SPHKAP: variants seen among roughly 807,000 people sequenced by gnomAD.
SPHKAP encodes A-kinase anchor protein SPHKAP.
In SPHKAP, 67 loss-of-function variants were observed where a neutral mutation model predicts 137.5. The ratio of observed to expected loss-of-function variants is 0.49; its 90% confidence interval spans 0.40 to 0.60. The LOEUF is 0.60. Among genes scored for constraint, SPHKAP ranks in the 20% least tolerant of loss-of-function variants. The pLI is 0.00. For missense variants in SPHKAP, 2,097 were observed against 2,069.3 expected, an observed-to-expected ratio of 1.01 and a Z score of -0.26; for synonymous variants, 813 against 785.3, an observed-to-expected ratio of 1.04 and a Z score of -0.59.
At chr2:228,045,327 A>G (rs1389376796) in intron 3 of SPHKAP, among the ~76,000 whole-genome samples, 1 of 142,776 alleles carries the variant, frequency 7.0e-6, no homozygotes, top group African/African-American at 2.7e-5. Flanking sequence ...TATTCACTAT[A>G]GCAAAGACTT....
intron 3 of SPHKAP, among the ~76,000 whole-genome samples, chr2:228,080,087 C>T (rs1019901306): frequency 2.0e-5 from 3 of 150,982 alleles, no homozygotes; most frequent in African/African-American, 2.4e-5. Context: ...TTTATATGAA[C>T]CCAAGAGCAT....
At chr2:228,172,672 A>T (rs1445945983) in intron 1 of SPHKAP, among the ~76,000 whole-genome samples, 1 of 152,196 alleles carries the variant, frequency 6.6e-6, no homozygotes. Context: ...CCAGGGGATT[A>T]AGACCACAAA....
At chr2:228,141,453 A>G (rs932518409) in intron 1 of SPHKAP, among the ~76,000 whole-genome samples, 2 of 152,164 alleles carry the variant, frequency 1.3e-5, no homozygotes, top group African/African-American at 4.8e-5. Flanking sequence ...AGTCTCCTTG[A>G]TAGGTTTTCA....
intron 2 of SPHKAP, among the ~76,000 whole-genome samples, chr2:228,113,603 AT>A (rs1698590621): frequency 1.0e-5 from 1 of 97,948 alleles, no homozygotes; most frequent in Non-Finnish European, 2.2e-5. Flanking sequence ...GCATTTAGCC[AT>A]CTCTCTCTCT....
rs1362285757 is a variant in SPHKAP at position 228,025,379 on chromosome 2, G to T, written c.441+15C>A. ...TAGATGTAAGTAAATGGCTTATCAA[G>T]AACTTATGTCTTACCTGTGAAACTT... On this transcript the variant is annotated intron_variant, in intron 5 of 11. Coordinates refer to ENST00000392056, the MANE Select transcript of SPHKAP (RefSeq NM_001142644.2). 3 of 1,613,336 alleles carry T rather than the reference G, an allele frequency of 1.9e-6. No individual in the cohort carries two copies. Among genetic ancestry groups the T allele is most frequent in the Non-Finnish European group, 2.5e-6 (3 of 1,179,692 alleles).
chr2:228,063,868 T>C (rs1696742538), intron 3 of SPHKAP, among the ~76,000 whole-genome samples: 1 of 152,234 alleles, frequency 6.6e-6, no homozygotes, highest in Non-Finnish European at 1.5e-5. Flanking sequence ...CCTGAAATTA[T>C]GTATTTTGAG....
chr2:228,017,021 C>G lies in SPHKAP; in HGVS notation c.3833G>C (p.Ser1278Thr). The G allele has an allele frequency of 6.2e-7, 1 of 1,614,152 alleles. No individual in the cohort carries two copies. Among genetic ancestry groups the G allele is most frequent in the South Asian group, 1.1e-5 (1 of 91,084 alleles). Residue 1278 changes from serine to threonine, a missense_variant, in exon 7 of 12, where the codon AGT becomes ACT. Transcript: ENST00000392056. ...GCAGAGACCGGATGAGGACGCGCTA[C>G]TGACCGGCTGCACGCTTAGGAAATC... ...PQDFLSVQPV[S>T]SASSSGLCKS...
chr2:228,041,102 A>G (rs1354265777), intron 3 of SPHKAP, among the ~76,000 whole-genome samples: 1 of 152,146 alleles, frequency 6.6e-6, no homozygotes, highest in Non-Finnish European at 1.5e-5. Flanking sequence ...ATACCATAAG[A>G]TGTTTTCCTA....
At chr2:228,169,642 T>C (rs1700524243) in intron 1 of SPHKAP, 1 of 152,144 alleles carries the variant, frequency 6.6e-6, no homozygotes, top group Non-Finnish European at 1.5e-5. Context: ...AGAAGAAAAT[T>C]AATGTTGTTT....
intron 7 of SPHKAP, among the ~76,000 whole-genome samples, chr2:228,003,924 G>C (rs1008888920): frequency 6.6e-6 from 1 of 152,170 alleles, no homozygotes; most frequent in Admixed American, 6.5e-5. Context: ...ACTTGATCAT[G>C]GTGATAAGCT....
intron 2 of SPHKAP, among the ~76,000 whole-genome samples, chr2:228,125,848 G>A (rs938339496): frequency 3.9e-5 from 6 of 151,996 alleles, no homozygotes; most frequent in East Asian, 1.9e-4. Flanking sequence ...AGGCCGAGGC[G>A]GGTGGACCAT....
At chr2:228,033,324 G>C (rs965950173) in intron 3 of SPHKAP, among the ~76,000 whole-genome samples, 11 of 152,208 alleles carry the variant, frequency 7.2e-5, no homozygotes, top group African/African-American at 2.2e-4. Flanking sequence ...AACAAGAATA[G>C]CTAACTATCC....
intron 3 of SPHKAP, among the ~76,000 whole-genome samples, chr2:228,104,235 ATC>A (rs1698264153): frequency 7.0e-6 from 1 of 142,280 alleles, no homozygotes; most frequent in African/African-American, 2.6e-5. Flanking sequence ...TATATGTTAT[ATC>A]ATTATATTAT....
chr2:228,002,083 C>A (rs940961680), intron 7 of SPHKAP, among the ~76,000 whole-genome samples: 2 of 151,974 alleles, frequency 1.3e-5, no homozygotes, highest in African/African-American at 4.8e-5. Flanking sequence ...GGGTATATAC[C>A]CAGTAATGGG....
At chr2:228,034,309 A>T (rs1695485188) in intron 3 of SPHKAP, among the ~76,000 whole-genome samples, 1 of 152,192 alleles carries the variant, frequency 6.6e-6, no homozygotes, top group Non-Finnish European at 1.5e-5. Flanking sequence ...CGACATATAC[A>T]CCCTCCCAAG....
intron 3 of SPHKAP, among the ~76,000 whole-genome samples, chr2:228,070,426 T>A (rs1031654216): frequency 2.0e-5 from 3 of 152,088 alleles, no homozygotes; most frequent in Non-Finnish European, 4.4e-5. Flanking sequence ...TAGTAAATTC[T>A]GTCTGACCTA....
chr2:228,066,461 A>G (rs779111468), intron 3 of SPHKAP, among the ~76,000 whole-genome samples: 1 of 152,122 alleles, frequency 6.6e-6, no homozygotes, highest in Non-Finnish European at 1.5e-5. Flanking sequence ...AGAAAATGGT[A>G]ATTTGTGCCT....
intron 8 of SPHKAP, chr2:227,994,051 T>A: frequency 4.1e-6 from 4 of 985,336 alleles, no homozygotes; most frequent in Non-Finnish European, 3.6e-6. Flanking sequence ...GGAACCAGTT[T>A]TGACAGAAAC....
intron 3 of SPHKAP, among the ~76,000 whole-genome samples, chr2:228,093,258 T>C (rs1260870257): frequency 6.6e-6 from 1 of 152,194 alleles, no homozygotes; most frequent in Non-Finnish European, 1.5e-5. Flanking sequence ...CCATATGTAG[T>C]AGTACCAGCA....
Sources: allele counts gnomAD v4.1 joint callset (sites outside exome capture counted in the v4.1 genomes callset), GRCh38; gene constraint gnomAD v4.1.1; transcripts MANE v1.5; gene names NCBI Gene and HGNC (gene_info 2026-07-23, HGNC 2026-07-21).